The following EDA2R variants were observed in gnomAD, a reference collection of about 807,000 sequenced individuals.
The protein encoded by EDA2R is tumor necrosis factor receptor superfamily member 27.
Under a neutral mutation model 20.1 loss-of-function variants are expected in EDA2R, and 26 were observed. That is an observed-to-expected ratio of 1.30 (90% CI 0.95 to 1.80). The LOEUF (loss-of-function observed/expected upper bound fraction) is 1.80. EDA2R is among the 40% of genes most tolerant of loss of function. EDA2R has a pLI of 0.00. For synonymous variants in EDA2R, 114 were observed against 88.7 expected (o/e 1.29, Z -1.60); for missense variants, 277 against 228.7 (o/e 1.21, Z -1.36).
intron 3 of EDA2R, 35 bp from the exon 4 acceptor site, chrX:66,604,541 C>A (rs1057343852): frequency 1.7e-6 from 2 of 1,154,192 alleles, no homozygotes; most frequent in African/African-American, 1.8e-5. Context: ...GCAGGGTGAT[C>A]AAACAAGCAA....
At chrX:66,608,360 G>A (rs1038028978) in intron 2 of EDA2R, among the ~76,000 whole-genome samples, 2 of 111,039 alleles carry the variant, frequency 1.8e-5, no homozygotes, top group Non-Finnish European at 3.8e-5. Flanking sequence ...GAAACTCCAA[G>A]CAGAGTAAAC....
At chrX:66,604,618 C>T (rs1222023300) in intron 3 of EDA2R, 112 bp from the exon 4 acceptor site, 4 of 651,933 alleles carry the variant, frequency 6.1e-6, no homozygotes, top group Non-Finnish European at 9.4e-6. Flanking sequence ...AAGTAAGTGC[C>T]CACCCCTCTT....
intron 2 of EDA2R, among the ~76,000 whole-genome samples, chrX:66,606,889 G>A (rs964076842): frequency 2.7e-5 from 3 of 112,115 alleles, no homozygotes; most frequent in Non-Finnish European, 5.6e-5. Context: ...ATTTATGTAT[G>A]TTCCACTCGA....
chrX:66,634,094 C>T (rs761127585), intron 1 of EDA2R, among the ~76,000 whole-genome samples: 2 of 111,701 alleles, frequency 1.8e-5, no homozygotes, highest in South Asian at 7.5e-4. Context: ...AGATACAAAC[C>T]AGTGGGCATT....
chrX:66,621,612 C>T (rs748483739), intron 1 of EDA2R, among the ~76,000 whole-genome samples: 11 of 112,127 alleles, frequency 9.8e-5, no homozygotes, highest in Non-Finnish European at 5.6e-5. Context: ...CATGAATGAA[C>T]GTTGAAAACA....
At position 66,632,702 on chromosome X, in the gene EDA2R, G is replaced by A. The variant is rs1188864113; in HGVS notation, c.-11+6293C>T. Reference sequence around the variant, plus strand: ...GTGTCAGCTATTGATACTGGGACGTGGAGGAGGCCAGGACTGAGGATGTGT... The same window carrying A: ...GTGTCAGCTATTGATACTGGGACGTAGAGGAGGCCAGGACTGAGGATGTGT... On this transcript the variant is annotated intron_variant, in intron 1 of 6. Transcript: ENST00000374719. Among the ~76,000 whole-genome samples the A allele has an allele frequency of 5.4e-5, 6 of 111,388 alleles. No individual in the cohort carries two copies. The Admixed American group carries it at 5.7e-4, about 11-fold the overall frequency.
At chrX:66,599,961 TG>T in intron 5 of EDA2R, 101 bp from the exon 6 acceptor site, 1 of 1,135,373 alleles carries the variant, frequency 8.8e-7, no homozygotes. Context: ...GTCTGGGAGC[TG>T]ATTCTTTCCT....
At chrX:66,626,190 T>C (rs1348927722) in intron 1 of EDA2R, among the ~76,000 whole-genome samples, 1 of 111,269 alleles carries the variant, frequency 9.0e-6, no homozygotes, top group East Asian at 2.8e-4. Flanking sequence ...TGAAAAAGAA[T>C]TCAGGAGATT....
chrX:66,624,846 A>G (rs1028259780), intron 1 of EDA2R, among the ~76,000 whole-genome samples: 3 of 112,239 alleles, frequency 2.7e-5, no homozygotes, highest in African/African-American at 9.7e-5. Context: ...CAGAAGTGGG[A>G]AAGGGAGATC....
At chrX:66,613,250 A>G (rs764643563) in intron 2 of EDA2R, among the ~76,000 whole-genome samples, 1 of 111,942 alleles carries the variant, frequency 8.9e-6, no homozygotes, top group African/African-American at 3.2e-5. Context: ...CTGGTTTTTA[A>G]ATACAAATAT....
intron 1 of EDA2R, among the ~76,000 whole-genome samples, chrX:66,636,308 C>T (rs190772419): frequency 4.3e-4 from 48 of 111,665 alleles, no homozygotes; most frequent in African/African-American, 1.4e-3. Context: ...ACTCATACCC[C>T]AATTTATATA....
chrX:66,616,689 C>G (rs1481855064), intron 1 of EDA2R, among the ~76,000 whole-genome samples: 1 of 112,010 alleles, frequency 8.9e-6, no homozygotes, highest in Non-Finnish European at 1.9e-5. Context: ...CAAAGGTGCA[C>G]AGATAGGGAA....
At chrX:66,599,059 G>A (rs1393584807) in intron 6 of EDA2R, among the ~76,000 whole-genome samples, 1 of 112,025 alleles carries the variant, frequency 8.9e-6, no homozygotes, top group African/African-American at 3.2e-5. Flanking sequence ...ATACACACAA[G>A]GTTTGTATAG....
intron 2 of EDA2R, among the ~76,000 whole-genome samples, chrX:66,606,459 G>A (rs1217692967): frequency 2.7e-5 from 3 of 111,524 alleles, no homozygotes; most frequent in African/African-American, 9.8e-5. Context: ...GGAAACCTTG[G>A]AATAAATATA....
chrX:66,620,804 CA>C (rs972260356), intron 1 of EDA2R, among the ~76,000 whole-genome samples: 5 of 108,276 alleles, frequency 4.6e-5, no homozygotes, highest in African/African-American at 1.0e-4. Context: ...TCTTGCAACT[CA>C]AAAAAAGATA....
At chrX:66,636,707 A>G (rs1934357946) in intron 1 of EDA2R, among the ~76,000 whole-genome samples, 1 of 110,311 alleles carries the variant, frequency 9.1e-6, no homozygotes, top group Non-Finnish European at 1.9e-5. Context: ...AATTCATGAA[A>G]TTCTACTTGT....
At chrX:66,618,932 T>C (rs770901640) in intron 1 of EDA2R, among the ~76,000 whole-genome samples, 1 of 112,400 alleles carries the variant, frequency 8.9e-6, no homozygotes, top group East Asian at 2.8e-4. Flanking sequence ...GTTTAAATAA[T>C]ATACTGCACA....
chrX:66,636,960 A>ACACACACACC (rs1198432086), intron 1 of EDA2R, among the ~76,000 whole-genome samples: 2 of 108,988 alleles, frequency 1.8e-5, no homozygotes, highest in Non-Finnish European at 3.8e-5. Context: ...ACACACACAC[A>ACACACACACC]CACACACCCC....
chrX:66,636,210 T>A (rs998301129), intron 1 of EDA2R, among the ~76,000 whole-genome samples: 1 of 111,925 alleles, frequency 8.9e-6, no homozygotes, highest in African/African-American at 3.2e-5. Flanking sequence ...CAGAAAAAAA[T>A]AATTTAAAAA....
Sources: gnomAD v4.1 joint callset for allele counts (sites outside exome capture counted in the v4.1 genomes callset) on GRCh38, gnomAD v4.1.1 for gene constraint, MANE v1.5 for transcripts, NCBI Gene and HGNC (gene_info 2026-07-23, HGNC 2026-07-21) for gene names.